AMMECR1: variants seen among roughly 807,000 people sequenced by gnomAD.
AMMECR1 encodes nuclear protein AMMECR1.
AMMECR1 carries 3 observed loss-of-function variants against 22.5 expected under a neutral mutation model. That is an observed-to-expected ratio of 0.13 (90% CI 0.06 to 0.35). AMMECR1 has a LOEUF of 0.35. Ranked by LOEUF, AMMECR1 falls within the 10% of genes least tolerant of loss-of-function variation. AMMECR1 has a pLI of 1.00. For synonymous variants in AMMECR1, 130 were observed against 116.7 expected, an observed-to-expected ratio of 1.11 and a Z score of -0.74; for missense variants, 235 against 278.7, an observed-to-expected ratio of 0.84 and a Z score of 1.12.
chrX:110,231,866 C>T (rs911637135), intron 2 of AMMECR1, among the ~76,000 whole-genome samples: 12 of 110,633 alleles, frequency 1.1e-4, no homozygotes, highest in Non-Finnish European at 3.8e-5. Context: ...GGTTGCAATC[C>T]TAGTCTCTGA....
chrX:110,199,877 T>C (rs369514174), intron 5 of AMMECR1, among the ~76,000 whole-genome samples: 17 of 110,808 alleles, frequency 1.5e-4, no homozygotes, highest in African/African-American at 3.3e-4. Flanking sequence ...TAGCTACCAA[T>C]TGCCTATAGA....
chrX:110,419,075 C>A (rs746573264), intron 2 of AMMECR1: 2 of 112,228 alleles, frequency 1.8e-5, no homozygotes. Flanking sequence ...GCCTCAGCCC[C>A]GCCCTACTGA....
intron 1 of AMMECR1, among the ~76,000 whole-genome samples, chrX:110,299,886 T>C (rs1477917678): frequency 8.9e-6 from 1 of 112,589 alleles, no homozygotes; most frequent in Non-Finnish European, 1.9e-5. Flanking sequence ...CCTTCTTTTA[T>C]GGCTGATTAA....
In AMMECR1 at chrX:110,195,807, C is replaced by G. The variant is rs1031497737; in HGVS notation, c.*2713G>C. 8.9e-6 allele frequency: 1 copy of G among 112,203 alleles called. No individual in the cohort carries two copies. The highest frequency in any genetic ancestry group is 1.9e-5 in the Non-Finnish European group (1 of 53,187). The allele number at this position is 112,203 out of a possible 1,213,427, so 9.2% of individuals were successfully genotyped here. A position where few individuals can be genotyped will look rare whatever the true frequency, so the allele number is the denominator to read the frequency against. On this transcript the variant is annotated 3_prime_UTR_variant, in exon 6 of 6. Coordinates refer to ENST00000262844, the MANE Select transcript of AMMECR1 (RefSeq NM_015365.3). ...CACATAATTAACAGCTTTGTATATA[C>G]GACAAAGGTGAAAGGGTCTAGCATT...
chrX:110,339,416 A>AAC (rs1450904541), intron 2 of AMMECR1, among the ~76,000 whole-genome samples: 12 of 108,628 alleles, frequency 1.1e-4, no homozygotes, highest in Middle Eastern at 4.7e-3. Flanking sequence ...AAAAAAAAAA[A>AAC]AAAAAAAAAC....
chrX:110,324,574 A>G (rs1223535986), intron 2 of AMMECR1, among the ~76,000 whole-genome samples: 1 of 109,666 alleles, frequency 9.1e-6, no homozygotes, highest in African/African-American at 3.3e-5. Flanking sequence ...AGCATTAAGT[A>G]TGATGTTAGC....
chrX:110,209,560 C>T (rs1260856293), intron 3 of AMMECR1, among the ~76,000 whole-genome samples: 1 of 111,943 alleles, frequency 8.9e-6, no homozygotes. Flanking sequence ...CTGTTTTTCA[C>T]GTTTGTTGCC....
chrX:110,256,413 AT>A, intron 2 of AMMECR1, among the ~76,000 whole-genome samples: 1 of 111,594 alleles, frequency 9.0e-6, no homozygotes, highest in Non-Finnish European at 1.9e-5. Context: ...CCAATAGAAA[AT>A]TTTTTAAATG....
chrX:110,346,948 G>C (rs759214223), intron 2 of AMMECR1: 1 of 523,369 alleles, frequency 1.9e-6, no homozygotes, highest in South Asian at 2.5e-5. Context: ...GGGTCGGTGG[G>C]TCGTGGGCCG....
intron 1 of AMMECR1, among the ~76,000 whole-genome samples, chrX:110,283,284 A>G (rs775300243): frequency 8.9e-6 from 1 of 112,186 alleles, no homozygotes; most frequent in Admixed American, 9.4e-5. Flanking sequence ...AGAAAAGTCA[A>G]TTACTCATAT....
At chrX:110,373,149 G>A (rs1384536178) in intron 2 of AMMECR1, among the ~76,000 whole-genome samples, 1 of 111,560 alleles carries the variant, frequency 9.0e-6, no homozygotes, top group Non-Finnish European at 1.9e-5. Flanking sequence ...AGTAACTTGC[G>A]CAGCTAGGAG....
intron 3 of AMMECR1, among the ~76,000 whole-genome samples, chrX:110,207,694 C>G (rs1236203980): frequency 8.9e-6 from 1 of 112,210 alleles, no homozygotes; most frequent in Admixed American, 9.5e-5. Flanking sequence ...CCTTCATAAT[C>G]TGGCCAAATT....
At chrX:110,296,181 T>C (rs984817197) in intron 1 of AMMECR1, among the ~76,000 whole-genome samples, 1 of 112,288 alleles carries the variant, frequency 8.9e-6, no homozygotes, top group African/African-American at 3.2e-5. Context: ...TTGCTAGATA[T>C]AGAAATATTG....
At position 110,367,814 on chromosome X, in the gene AMMECR1, A is replaced by T. The variant is rs181919042; in HGVS notation, c.-147-49965T>A. ...AATACTTTCAGCTGAATAGTTAAAA[A>T]TTTATTTGTTTAGAAACAGCATCTC... On this transcript the variant is annotated intron_variant, in intron 2 of 7. Transcript: ENST00000372057. Among the ~76,000 whole-genome samples, 597 of 109,372 alleles carry T rather than the reference A, an allele frequency of 5.5e-3. 3 individuals carry two copies. The highest frequency in any genetic ancestry group is 0.019 in the African/African-American group (565 of 30,015). The allele number at this position is 109,372 out of a possible 115,157, so 95.0% of individuals were successfully genotyped here.
intron 2 of AMMECR1, among the ~76,000 whole-genome samples, chrX:110,345,264 A>G (rs931750923): frequency 9.1e-6 from 1 of 109,672 alleles, no homozygotes; most frequent in Non-Finnish European, 1.9e-5. Context: ...CAAACACCGC[A>G]TGTTCTCACT....
At chrX:110,385,127 A>C (rs984408229) in intron 2 of AMMECR1, among the ~76,000 whole-genome samples, 3 of 111,276 alleles carry the variant, frequency 2.7e-5, no homozygotes, top group African/African-American at 9.8e-5. Context: ...TCCCAGCTCC[A>C]CCACCAACTA....
upstream of AMMECR1, among the ~76,000 whole-genome samples, chrX:110,321,058 T>G (rs767301174): frequency 1.8e-5 from 2 of 111,873 alleles, no homozygotes; most frequent in Non-Finnish European, 3.8e-5. Flanking sequence ...TGTTTTCTTG[T>G]AAAGTCACCA....
At chrX:110,302,558 T>C (rs1252634499) in intron 1 of AMMECR1, among the ~76,000 whole-genome samples, 1 of 111,494 alleles carries the variant, frequency 9.0e-6, no homozygotes, top group Non-Finnish European at 1.9e-5. Context: ...AGAGAAACTA[T>C]ATTGAAGAAG....
At position 110,255,089 on chromosome X, in the gene AMMECR1, G is replaced by C. The variant is rs576733475; in HGVS notation, c.584+9400C>G. On this transcript the variant is annotated intron_variant, in intron 2 of 5. Coordinates refer to ENST00000262844, the MANE Select transcript of AMMECR1 (RefSeq NM_015365.3). ...TCCCAACTCTTTTCTTCCTCTTCGG[G>C]ATTTGTCAATTTTAGAAAAAGGGCA... is the stretch of plus-strand genomic sequence containing the variant. Among the ~76,000 whole-genome samples the C allele has an allele frequency of 2.0e-4, 23 of 112,272 alleles. No homozygotes were observed. The South Asian group carries it at 8.5e-3, about 42-fold the overall frequency.
Sources: gnomAD v4.1 joint callset for allele counts (sites outside exome capture counted in the v4.1 genomes callset) on GRCh38, gnomAD v4.1.1 for gene constraint, MANE v1.5 for transcripts, NCBI Gene and HGNC (gene_info 2026-07-23, HGNC 2026-07-21) for gene names.